AMPD3: variants seen among roughly 807,000 people sequenced by gnomAD.
The protein encoded by AMPD3 is AMP deaminase 3.
AMPD3 carries 57 observed loss-of-function variants against 82.3 expected under a neutral mutation model. The observed-to-expected ratio is 0.69, with a 90% CI of 0.56 to 0.86. The LOEUF (loss-of-function observed/expected upper bound fraction) is 0.86. Among genes scored for constraint, AMPD3 ranks in the 40% least tolerant of loss-of-function variants. The pLI, the probability that AMPD3 is intolerant of heterozygous loss-of-function variation, is 0.00. For missense variants in AMPD3, 870 were observed against 1,003.8 expected (o/e 0.87, Z 1.80); for synonymous variants, 381 against 394.7 (o/e 0.97, Z 0.41).
chr11:10,450,837 G>C (rs1591429733), upstream of AMPD3: 2 of 1,195,160 alleles, frequency 1.7e-6, no homozygotes, highest in African/African-American at 1.6e-5. Context: ...CTCCTCCCGC[G>C]GGGCCCTCCT....
rs201975462 is a variant in AMPD3, at chr11:10,493,337, G to T, written c.940-12G>T. 1.8e-5 allele frequency: 29 copies of T among 1,613,816 alleles called. No homozygotes were observed. Among genetic ancestry groups the T allele is most frequent in the Admixed American group, 8.3e-5 (5 of 60,004 alleles). ...TGGCCTGACTCAGGGCCTGGTGGGC[G>T]CTGTGTTCCAGGTGGACACACACAT... On this transcript the variant is annotated splice_polypyrimidine_tract_variant and intron_variant, in intron 6 of 14. Coordinates refer to ENST00000396553, the MANE Select transcript of AMPD3 (RefSeq NM_001025389.2).
intron 2 of AMPD3, among the ~76,000 whole-genome samples, chr11:10,473,853 C>T (rs895406136): frequency 3.3e-5 from 5 of 152,132 alleles, no homozygotes; most frequent in Non-Finnish European, 4.4e-5. Flanking sequence ...ATGCCTGTCC[C>T]GCCTGATGGC....
intron 12 of AMPD3, chr11:10,501,979 C>T: frequency 5.1e-6 from 5 of 985,408 alleles, no homozygotes; most frequent in Non-Finnish European, 6.0e-6. Flanking sequence ...AACGTAATAT[C>T]TATGCTCCTT....
chr11:10,468,486 A>G (rs1433906984), intron 2 of AMPD3, among the ~76,000 whole-genome samples: 5 of 152,228 alleles, frequency 3.3e-5, no homozygotes, highest in Non-Finnish European at 7.3e-5. Flanking sequence ...CTAAATATAT[A>G]TGCACCCAAC....
rs1848272267 is a variant in AMPD3 at position 10,461,585 on chromosome 11, G to T, written c.66G>T (p.Glu22Asp). 1 of 1,614,140 alleles carries T rather than the reference G, an allele frequency of 6.2e-7. No homozygotes were observed. The highest frequency in any genetic ancestry group is 8.5e-7 in the Non-Finnish European group (1 of 1,180,060). Residue 22 changes from glutamate (E) to aspartate (D), a missense_variant, in exon 2 of 15, where the codon GAG becomes GAT. Physicochemically the swap from Glu to Asp is conservative, Grantham distance 45 (BLOSUM62 2). Transcript: ENST00000396553. ...ATGAGCAAGTCCGGCTCCTGGCGGA[G>T]AAGGTGTTTGCTAAAGTGCTCCGAG... is the stretch of plus-strand genomic sequence containing the variant. Reference protein sequence around the residue: ...EVDEQVRLLAEKVFAKVLREE... With the variant: ...EVDEQVRLLADKVFAKVLREE...
Position 10,496,805 on chromosome 11 carries a change from C to G in AMPD3, c.1431-7C>G, listed in dbSNP as rs777416663. 6.2e-7 allele frequency: 1 copy of G among 1,613,312 alleles called. No homozygotes were observed. Among genetic ancestry groups the G allele is most frequent in the Non-Finnish European group, 8.5e-7 (1 of 1,179,388 alleles). ...CACCTGACAAGCGAGTCTTTGCTGT[C>G]CCCCAGTGACATATTTAGGTCAAAG... On this transcript the variant is annotated splice_polypyrimidine_tract_variant and splice_region_variant and intron_variant, in intron 9 of 14. Transcript: ENST00000396553.
chr11:10,466,221 C>T (rs1297619204), intron 2 of AMPD3, among the ~76,000 whole-genome samples: 2 of 151,788 alleles, frequency 1.3e-5, no homozygotes, highest in African/African-American at 4.8e-5. Context: ...GAGATCGCAC[C>T]ATTGCACTGA....
chr11:10,491,874 T>C (rs888681893), intron 6 of AMPD3, among the ~76,000 whole-genome samples: 2 of 152,170 alleles, frequency 1.3e-5, no homozygotes, highest in African/African-American at 4.8e-5. Flanking sequence ...AAGGCAATAG[T>C]ATGTACAGTT....
chr11:10,458,135 C>G (rs1038346917), intron 1 of AMPD3, among the ~76,000 whole-genome samples: 1 of 151,740 alleles, frequency 6.6e-6, no homozygotes, highest in Non-Finnish European at 1.5e-5. Flanking sequence ...AATGGTGAAA[C>G]TCCCTTTGGC....
intron 2 of AMPD3, among the ~76,000 whole-genome samples, chr11:10,463,575 G>A (rs1208607890): frequency 6.6e-6 from 1 of 152,220 alleles, no homozygotes; most frequent in East Asian, 1.9e-4. Context: ...TTAACAATGA[G>A]AGGAAAAGAA....
intron 5 of AMPD3, chr11:10,486,495 G>T: frequency 1.2e-5 from 11 of 949,818 alleles, no homozygotes; most frequent in Non-Finnish European, 1.4e-5. Flanking sequence ...AAAGGCCTTT[G>T]CTGGCTGATA....
intron 11 of AMPD3, chr11:10,500,987 C>T: frequency 1.0e-6 from 1 of 985,344 alleles, no homozygotes; most frequent in East Asian, 1.1e-4. Context: ...AAGAAATGGC[C>T]TGGCAGGGTG....
chr11:10,460,547 C>T (rs1320660107), intron 1 of AMPD3, among the ~76,000 whole-genome samples: 1 of 151,330 alleles, frequency 6.6e-6, no homozygotes, highest in East Asian at 1.9e-4. Flanking sequence ...GCTGGGATTA[C>T]AGGTGCCTGC....
In AMPD3 at chr11:10,461,571, C is replaced by T. The variant is rs1848271777; in HGVS notation, c.52C>T (p.Arg18Trp). 1.9e-6 allele frequency: 3 copies of T among 1,614,230 alleles called. No homozygotes were observed. Among genetic ancestry groups the T allele is most frequent in the Non-Finnish European group, 2.5e-6 (3 of 1,180,052 alleles). ...LNISEVDEQV[R>W]LLAEKVFAKV... ...CATCTCTGAAGTGGATGAGCAAGTC[C>T]GGCTCCTGGCGGAGAAGGTGTTTGC... The change falls in exon 2 of 15, where the codon CGG becomes TGG. Residue 18 changes from arginine (R) to tryptophan (W), a missense_variant. Transcript: ENST00000396553.
chr11:10,464,997 G>A (rs1848379071), intron 2 of AMPD3, among the ~76,000 whole-genome samples: 1 of 152,200 alleles, frequency 6.6e-6, no homozygotes, highest in Non-Finnish European at 1.5e-5. Context: ...TGGCAGCCCT[G>A]TCACTTACTA....
intron 8 of AMPD3, 160 bp from the exon 9 acceptor site, chr11:10,495,410 A>G (rs1849364626): frequency 6.1e-6 from 6 of 983,822 alleles, no homozygotes; most frequent in Non-Finnish European, 7.2e-6. Context: ...AAGTGGAACA[A>G]GAGCTTACAG....
At chr11:10,460,152 C>A (rs1848224493) in intron 1 of AMPD3, among the ~76,000 whole-genome samples, 1 of 149,962 alleles carries the variant, frequency 6.7e-6, no homozygotes, top group African/African-American at 2.5e-5. Flanking sequence ...GGCTGGAGTG[C>A]AGTAGTACGA....
At chr11:10,502,602 A>C in intron 12 of AMPD3, 119 bp from the exon 13 acceptor site, 1 of 1,592,444 alleles carries the variant, frequency 6.3e-7, no homozygotes, top group Non-Finnish European at 8.5e-7. Flanking sequence ...GGACTTGGGC[A>C]GACATGGTTC....
intron 5 of AMPD3, 102 bp downstream of exon 5, chr11:10,485,141 T>A: frequency 9.0e-7 from 1 of 1,112,874 alleles, no homozygotes; most frequent in Non-Finnish European, 1.3e-6. Context: ...CCCCTGTACT[T>A]AAAGCATCCC....
Sources: gnomAD v4.1 joint callset for allele counts (sites outside exome capture counted in the v4.1 genomes callset) on GRCh38, gnomAD v4.1.1 for gene constraint, MANE v1.5 for transcripts, NCBI Gene and HGNC (gene_info 2026-07-23, HGNC 2026-07-21) for gene names.